CDHR3: variants seen among roughly 807,000 people sequenced by gnomAD.
The protein encoded by CDHR3 is cadherin related family member 3.
CDHR3 carries 79 observed loss-of-function variants against 86.6 expected under a neutral mutation model. The ratio of observed to expected loss-of-function variants is 0.91; its 90% confidence interval spans 0.76 to 1.10. CDHR3 has a LOEUF of 1.10. Ranked by LOEUF, CDHR3 falls within the 50% of genes least tolerant of loss-of-function variation. The pLI is 0.00. For synonymous variants in CDHR3, 421 were observed against 402.4 expected (o/e 1.05, Z -0.55); for missense variants, 1,081 against 1,077.6 (o/e 1.00, Z -0.04).
chr7:105,994,516 C>G (rs1831878195), intron 4 of CDHR3, among the ~76,000 whole-genome samples: 1 of 152,174 alleles, frequency 6.6e-6, no homozygotes, highest in African/African-American at 2.4e-5. Flanking sequence ...GTAGTTAGAA[C>G]AAGATCCACT....
chr7:105,981,248 C>A, intron 3 of CDHR3, 115 bp downstream of exon 3: 4 of 1,005,460 alleles, frequency 4.0e-6, no homozygotes, highest in Non-Finnish European at 5.7e-6. Flanking sequence ...CTGGAAAAGG[C>A]AGCTGCTTAA....
chr7:106,012,692 A>T (rs1834995930), intron 8 of CDHR3, among the ~76,000 whole-genome samples, 168 bp from the exon 9 acceptor site: 1 of 152,160 alleles, frequency 6.6e-6, no homozygotes, highest in Non-Finnish European at 1.5e-5. Flanking sequence ...AATAGCCCAA[A>T]AGGTAGCAAG....
intron 2 of CDHR3, among the ~76,000 whole-genome samples, chr7:105,980,623 A>ATTTTTTT (rs55880404): frequency 4.6e-5 from 5 of 108,132 alleles, no homozygotes; most frequent in African/African-American, 7.5e-5. Context: ...TTTTTTTTTA[A>ATTTTTTT]TTTTTTTTTT....
chr7:106,003,188 T>C (rs976663318), intron 7 of CDHR3, among the ~76,000 whole-genome samples: 4 of 151,776 alleles, frequency 2.6e-5, no homozygotes, highest in Non-Finnish European at 4.4e-5. Context: ...TTTTCTTTGG[T>C]ACCGAGTCTT....
chr7:106,012,980 G>A lies in CDHR3; in HGVS notation c.1173G>A (p.Val391=), dbSNP rs765569013. Reference sequence around the variant, plus strand: ...TCAACTTCACCATGCCATCTGGAGTGGGGAGCGGCAGCAGATTTTTACAGG... The same window carrying A: ...TCAACTTCACCATGCCATCTGGAGTAGGGAGCGGCAGCAGATTTTTACAGG... ...NRFNFTMPSG[V]GSGSRFLQDP... Residue 391 remains valine, a synonymous_variant, in exon 9 of 19, where the codon GTG becomes GTA. Transcript: ENST00000317716. 6.2e-7 allele frequency: 1 copy of A among 1,612,970 alleles called. No homozygotes were observed. Among genetic ancestry groups the A allele is most frequent in the South Asian group, 1.1e-5 (1 of 90,880 alleles).
chr7:106,000,594 A>T (rs895515066), intron 6 of CDHR3, among the ~76,000 whole-genome samples: 1 of 152,214 alleles, frequency 6.6e-6, no homozygotes, highest in Non-Finnish European at 1.5e-5. Context: ...ATTTTCCCTC[A>T]GCAAAAGGAC....
chr7:105,969,266 G>A (rs2115605437), intron 1 of CDHR3, among the ~76,000 whole-genome samples: 1 of 150,754 alleles, frequency 6.6e-6, no homozygotes, highest in South Asian at 2.1e-4. Context: ...GGGCGAGGTG[G>A]CGGGCGCCTG....
rs529105863 is a variant in CDHR3, at chr7:106,008,120, C to T, written c.1052+3433C>T. ...CAAGAACAGCACAGGAAAGACTTGC[C>T]ACCATGATTCAATTTCCTCCTACTG... On this transcript the variant is annotated intron_variant, in intron 8 of 18. Transcript: ENST00000317716. 2.0e-5 allele frequency among the ~76,000 whole-genome samples: 3 copies of T among 152,270 alleles called. No homozygotes were observed. The South Asian group carries it at 6.2e-4, about 32-fold the overall frequency.
chr7:106,007,144 G>C (rs1834049267), intron 8 of CDHR3, among the ~76,000 whole-genome samples: 1 of 152,208 alleles, frequency 6.6e-6, no homozygotes, highest in African/African-American at 2.4e-5. Flanking sequence ...TGGGATGCAG[G>C]GCACCAAGTC....
At chr7:106,018,267 C>T (rs1272800771) in intron 12 of CDHR3, among the ~76,000 whole-genome samples, 195 bp downstream of exon 12, 1 of 152,164 alleles carries the variant, frequency 6.6e-6, no homozygotes, top group Non-Finnish European at 1.5e-5. Context: ...GGCAGGGTCT[C>T]GCTCTGTTGC....
intron 4 of CDHR3, among the ~76,000 whole-genome samples, chr7:105,988,734 A>G (rs988570539): frequency 1.3e-5 from 2 of 152,254 alleles, no homozygotes; most frequent in Admixed American, 1.3e-4. Flanking sequence ...TCTGTCCAAT[A>G]AAGCTATACT....
chr7:106,005,550 T>C (rs532115597), intron 8 of CDHR3, among the ~76,000 whole-genome samples: 2 of 152,312 alleles, frequency 1.3e-5, no homozygotes, highest in Admixed American at 1.3e-4. Flanking sequence ...GCCCTGTATC[T>C]GGAGCAAGGC....
chr7:106,028,219 A>G (rs1416918264), intron 16 of CDHR3, among the ~76,000 whole-genome samples: 1 of 152,096 alleles, frequency 6.6e-6, no homozygotes, highest in Non-Finnish European at 1.5e-5. Flanking sequence ...ACACCTTATG[A>G]ACAGAGGTAT....
At chr7:105,982,431 T>A (rs530426397) in intron 3 of CDHR3, among the ~76,000 whole-genome samples, 24 of 138,440 alleles carry the variant, frequency 1.7e-4, no homozygotes, top group Non-Finnish European at 2.4e-4. Context: ...ATTGCTCCAC[T>A]GCACTCCAGC....
chr7:105,995,688 C>G (rs149995633), intron 5 of CDHR3, among the ~76,000 whole-genome samples: 255 of 152,226 alleles, frequency 1.7e-3, no homozygotes, highest in African/African-American at 5.8e-3. Context: ...TGGCTTGATG[C>G]CTTTTGAAAT....
chr7:105,998,155 G>C (rs914240145), intron 6 of CDHR3, among the ~76,000 whole-genome samples: 6 of 152,130 alleles, frequency 3.9e-5, no homozygotes, highest in African/African-American at 1.4e-4. Context: ...GACTTGGAGG[G>C]CTTTCATGGT....
At chr7:105,977,626 C>T (rs1829032593) in intron 2 of CDHR3, among the ~76,000 whole-genome samples, 1 of 152,226 alleles carries the variant, frequency 6.6e-6, no homozygotes, top group Non-Finnish European at 1.5e-5. Flanking sequence ...ACGTCCTCTA[C>T]CATCCCTCCA....
rs748218804 is a variant in CDHR3 at position 106,016,005 on chromosome 7, A to G, written c.1406A>G (p.Asp469Gly). ...TTTGATAGGCCATCCTATGTATTTG[A>G]TGTGTCAGAAAGAAGGCCCGGTAAG... ...LIFDRPSYVF[D>G]VSERRPARTR... is the part of the protein sequence containing the mutation. The change falls in exon 11 of 19, where the codon GAT (aspartate) becomes GGT (glycine). Residue 469 changes from aspartate (D) to glycine (G), a missense_variant. Transcript: ENST00000317716. The G allele has an allele frequency of 1.9e-6, 3 of 1,611,332 alleles. No homozygotes were observed. The highest frequency in any genetic ancestry group is 2.2e-5 in the South Asian group (2 of 90,498).
intron 1 of CDHR3, among the ~76,000 whole-genome samples, chr7:105,971,811 C>T (rs565169770): frequency 6.6e-5 from 10 of 152,126 alleles, no homozygotes; most frequent in Non-Finnish European, 1.5e-4. Flanking sequence ...TACCTGAGCT[C>T]ACACCACGCT....
Sources: gnomAD v4.1 joint callset for allele counts (sites outside exome capture counted in the v4.1 genomes callset) on GRCh38, gnomAD v4.1.1 for gene constraint, MANE v1.5 for transcripts, NCBI Gene and HGNC (gene_info 2026-07-23, HGNC 2026-07-21) for gene names.